Variants in NLGN1 observed in about 807,000 individuals in gnomAD.
NLGN1 encodes the protein neuroligin-1.
In NLGN1, 12 loss-of-function variants were observed where a neutral mutation model predicts 65.5. The observed-to-expected ratio is 0.18, with a 90% CI of 0.12 to 0.30. The LOEUF (loss-of-function observed/expected upper bound fraction) is 0.30. Among genes scored for constraint, NLGN1 ranks in the 10% least tolerant of loss-of-function variants. NLGN1 has a pLI of 1.00. For synonymous variants in NLGN1, 350 were observed against 359.5 expected (o/e 0.97, Z 0.30); for missense variants, 750 against 1,007.1 (o/e 0.74, Z 3.46).
chr3:173,662,839 C>T (rs1364678154), intron 3 of NLGN1, among the ~76,000 whole-genome samples: 2 of 151,924 alleles, frequency 1.3e-5, no homozygotes, highest in Non-Finnish European at 2.9e-5. Flanking sequence ...AACTCCATAA[C>T]CCCAACACAA....
chr3:173,670,654 A>G (rs893640457), intron 3 of NLGN1, among the ~76,000 whole-genome samples: 4 of 152,196 alleles, frequency 2.6e-5, no homozygotes, highest in Non-Finnish European at 5.9e-5. Flanking sequence ...TGCGTGGTTC[A>G]GAAAGTTCTT....
At chr3:174,080,970 G>A (rs1486729262) in intron 4 of NLGN1, among the ~76,000 whole-genome samples, 2 of 140,710 alleles carry the variant, frequency 1.4e-5, no homozygotes, top group East Asian at 4.1e-4. Context: ...GATAGGGGAA[G>A]CGCTCTCCTG....
intron 2 of NLGN1, among the ~76,000 whole-genome samples, chr3:173,507,207 A>G (rs1443175763): frequency 6.6e-6 from 1 of 152,100 alleles, no homozygotes; most frequent in African/African-American, 2.4e-5. Flanking sequence ...CCTCAGGTTT[A>G]TTCTGTTCTG....
At chr3:174,095,606 C>T (rs1301765436) in intron 4 of NLGN1, among the ~76,000 whole-genome samples, 2 of 151,216 alleles carry the variant, frequency 1.3e-5, no homozygotes, top group Non-Finnish European at 2.9e-5. Context: ...TATATATACA[C>T]ACATGTATAA....
At chr3:173,800,153 T>G in intron 3 of NLGN1, 1 of 186,234 alleles carries the variant, frequency 5.4e-6, no homozygotes, top group South Asian at 1.1e-4. Flanking sequence ...AGGTAGTCAA[T>G]TATGATGTGA....
chr3:173,899,252 A>C (rs1736892189), intron 4 of NLGN1, among the ~76,000 whole-genome samples: 1 of 152,126 alleles, frequency 6.6e-6, no homozygotes, highest in Admixed American at 6.6e-5. Context: ...AGATAGCATA[A>C]ATTTGTTGAA....
At chr3:173,453,434 C>T (rs1233600917) in intron 2 of NLGN1, among the ~76,000 whole-genome samples, 3 of 151,504 alleles carry the variant, frequency 2.0e-5, no homozygotes, top group Non-Finnish European at 4.4e-5. Context: ...TTGATTGATC[C>T]TTCCTTTCAA....
chr3:173,943,738 T>G lies in NLGN1; in HGVS notation c.646+135906T>G, dbSNP rs1030015266. 3.4e-4 allele frequency among the ~76,000 whole-genome samples: 52 copies of G among 152,220 alleles called. 1 individual carries two copies. The highest frequency in any genetic ancestry group is 1.2e-3 in the African/African-American group (49 of 41,460). ...TTTTATTTTGCACATCTCTTAGCAT[T>G]ATTGCTGAAATGTGAGAACAGCATT... On this transcript the variant is annotated intron_variant, in intron 4 of 6. Transcript: ENST00000457714.
chr3:173,690,131 T>G (rs948113799), intron 3 of NLGN1, among the ~76,000 whole-genome samples: 6 of 152,144 alleles, frequency 3.9e-5, no homozygotes, highest in African/African-American at 7.2e-5. Context: ...CCTTACTGAG[T>G]GAGCCCATTT....
intron 4 of NLGN1, among the ~76,000 whole-genome samples, chr3:174,226,527 C>T (rs1489552381): frequency 6.6e-6 from 1 of 152,086 alleles, no homozygotes; most frequent in Non-Finnish European, 1.5e-5. Flanking sequence ...ATATGCCTTT[C>T]CATATTGCTG....
chr3:173,642,252 C>T (rs552918363), intron 3 of NLGN1, among the ~76,000 whole-genome samples: 2 of 152,156 alleles, frequency 1.3e-5, no homozygotes, highest in Middle Eastern at 6.8e-3. Context: ...AAAAAACAGG[C>T]AAAATATGCC....
chr3:174,191,759 C>T (rs1732432679), intron 4 of NLGN1, among the ~76,000 whole-genome samples: 1 of 152,106 alleles, frequency 6.6e-6, no homozygotes, highest in Non-Finnish European at 1.5e-5. Flanking sequence ...AGGGCTTAAA[C>T]ATGTACTTCA....
At chr3:173,657,922 T>C (rs770642604) in intron 3 of NLGN1, among the ~76,000 whole-genome samples, 2 of 151,974 alleles carry the variant, frequency 1.3e-5, no homozygotes, top group Non-Finnish European at 2.9e-5. Context: ...GACAAGTTTA[T>C]GCCTGATTGT....
intron 2 of NLGN1, among the ~76,000 whole-genome samples, chr3:173,600,881 G>T (rs1160814818): frequency 6.6e-6 from 1 of 151,754 alleles, no homozygotes; most frequent in Non-Finnish European, 1.5e-5. Flanking sequence ...GATGAATGTG[G>T]CCACCCACTG....
intron 4 of NLGN1, among the ~76,000 whole-genome samples, chr3:174,106,487 A>G (rs9866125): frequency 0.28 from 41,970 of 151,900 alleles, 7,553 homozygotes; most frequent in African/African-American, 0.52. Context: ...TTGTGTTCAC[A>G]TATTCAAAGA....
intron 1 of NLGN1, among the ~76,000 whole-genome samples, chr3:173,410,561 A>G (rs1712319552): frequency 6.6e-6 from 1 of 152,208 alleles, no homozygotes; most frequent in African/African-American, 2.4e-5. Context: ...GGAAGGAGGG[A>G]TAAAGCATTT....
chr3:174,064,577 ATAT>A (rs1282715154), intron 4 of NLGN1, among the ~76,000 whole-genome samples: 21 of 148,196 alleles, frequency 1.4e-4, no homozygotes, highest in African/African-American at 4.6e-4. Flanking sequence ...ATTAATTATA[ATAT>A]TAATGTATGA....
At chr3:173,895,249 A>G (rs977098021) in intron 4 of NLGN1, among the ~76,000 whole-genome samples, 2 of 152,152 alleles carry the variant, frequency 1.3e-5, no homozygotes, top group African/African-American at 2.4e-5. Flanking sequence ...GACTTGATCC[A>G]TCTGAGTACC....
intron 5 of NLGN1, among the ~76,000 whole-genome samples, chr3:174,277,508 G>A (rs542294365): frequency 6.6e-6 from 1 of 151,804 alleles, no homozygotes; most frequent in East Asian, 1.9e-4. Context: ...AAATCACCAG[G>A]TGCATTTTAG....
Sources: gnomAD v4.1 joint callset for allele counts (sites outside exome capture counted in the v4.1 genomes callset) on GRCh38, gnomAD v4.1.1 for gene constraint, MANE v1.5 for transcripts, NCBI Gene and HGNC (gene_info 2026-07-23, HGNC 2026-07-21) for gene names.